NEMP1: variants seen among roughly 807,000 people sequenced by gnomAD.
NEMP1 encodes the protein nuclear envelope integral membrane protein 1, also known as transmembrane protein 194.
NEMP1 carries 29 observed loss-of-function variants against 53.7 expected under a neutral mutation model. The ratio of observed to expected loss-of-function variants is 0.54; its 90% CI spans 0.40 to 0.74. The LOEUF (loss-of-function observed/expected upper bound fraction) is 0.74, where lower values mean the gene tolerates loss of function less well. NEMP1 is among the 30% of genes least tolerant of loss of function. The probability of loss-of-function intolerance (pLI) is 0.00; values close to 1 mark genes in which losing one functional copy is unlikely to be tolerated. For missense variants in NEMP1, 477 were observed against 528.6 expected (o/e 0.90, Z 0.96); for synonymous variants, 193 against 192.9 (o/e 1.00, Z 0.00).
intron 1 of NEMP1, 127 bp downstream of exon 1, chr12:57,078,492 C>T: frequency 3.0e-6 from 4 of 1,319,106 alleles, no homozygotes; most frequent in Non-Finnish European, 3.1e-6. Context: ...CACCACACTA[C>T]GCCGGCGGCC....
intron 2 of NEMP1, among the ~76,000 whole-genome samples, 199 bp from the exon 3 acceptor site, chr12:57,071,092 C>T (rs2032323814): frequency 6.6e-6 from 1 of 152,156 alleles, no homozygotes; most frequent in Admixed American, 6.5e-5. Flanking sequence ...TACAGAGAGA[C>T]AGCTGTTAGA....
intron 1 of NEMP1, chr12:57,087,817 T>C (rs1281440010): frequency 6.6e-6 from 1 of 152,106 alleles, no homozygotes; most frequent in Admixed American, 6.5e-5. Context: ...ACCTCACCTG[T>C]GGCCAGTCCG....
At chr12:57,065,846 T>G (rs2136492355) in intron 4 of NEMP1, among the ~76,000 whole-genome samples, 1 of 152,032 alleles carries the variant, frequency 6.6e-6, no homozygotes, top group South Asian at 2.1e-4. Flanking sequence ...TTAAATCTCA[T>G]GAACCAAGAA....
intron 1 of NEMP1, among the ~76,000 whole-genome samples, chr12:57,073,976 A>AT (rs371901050): frequency 0.051 from 7,609 of 148,592 alleles, 280 homozygotes; most frequent in African/African-American, 0.11. Context: ...TTATTTTTTT[A>AT]TTTTTTTTTT....
intron 7 of NEMP1, 59 bp from the exon 8 acceptor site, chr12:57,061,004 T>C (rs1442346341): frequency 1.3e-6 from 2 of 1,554,178 alleles, no homozygotes; most frequent in Non-Finnish European, 1.7e-6. Context: ...CCATCCTTAC[T>C]TCTAGCTCCC....
At chr12:57,088,590 G>T (rs767096001), upstream of NEMP1, among the ~76,000 whole-genome samples, 1 of 152,204 alleles carries the variant, frequency 6.6e-6, no homozygotes, top group Non-Finnish European at 1.5e-5. Flanking sequence ...AGGCGCGTGT[G>T]CACGTCCGTG....
Position 57,064,194 on chromosome 12 carries a change from G to A in NEMP1, c.640-9C>T. 1 of 1,554,448 alleles carries A rather than the reference G, an allele frequency of 6.4e-7. No homozygotes were observed. The highest frequency in any genetic ancestry group is 8.7e-7 in the Non-Finnish European group (1 of 1,144,762). ...ACGTAAATGGGACTTTTCTAAGACA[G>A]AGAGTAGAAGTGAAAGCAAAAAGTT... is the stretch of plus-strand genomic sequence containing the variant. On this transcript the variant is annotated splice_polypyrimidine_tract_variant and intron_variant, in intron 5 of 8. Transcript: ENST00000300128.
chr12:57,078,210 T>C (rs1040254515), intron 1 of NEMP1, among the ~76,000 whole-genome samples: 1 of 152,138 alleles, frequency 6.6e-6, no homozygotes, highest in Non-Finnish European at 1.5e-5. Flanking sequence ...GCTCAGATGG[T>C]GTTTGCTGAT....
In NEMP1 at chr12:57,059,762, G is replaced by T; in HGVS notation, c.*117C>A. 1.1e-6 allele frequency: 1 copy of T among 917,676 alleles called. No homozygotes were observed. The highest frequency in any genetic ancestry group is 1.6e-6 in the Non-Finnish European group (1 of 625,982). 56.8% of individuals were successfully genotyped at this position (917,676 alleles called of 1,614,324 possible). On this transcript the variant is annotated 3_prime_UTR_variant, in exon 9 of 9. Coordinates refer to ENST00000300128, the MANE Select transcript of NEMP1 (RefSeq NM_001130963.2). ...CCTTTTTAGGCCTCTTATTTCAGTAGGAGAATTTCTACCCTATCTATCTCA... is the reference window on the plus strand; with the variant it reads ...CCTTTTTAGGCCTCTTATTTCAGTATGAGAATTTCTACCCTATCTATCTCA...
intron 7 of NEMP1, 125 bp downstream of exon 7, chr12:57,062,993 TG>T (rs1226627912): frequency 7.7e-6 from 5 of 648,898 alleles, no homozygotes; most frequent in Non-Finnish European, 1.3e-5. Context: ...GGAACAAAAG[TG>T]GAAGTACAAT....
chr12:57,070,481 G>A (rs1173825484), intron 3 of NEMP1, among the ~76,000 whole-genome samples, 193 bp downstream of exon 3: 1 of 152,198 alleles, frequency 6.6e-6, no homozygotes, highest in Non-Finnish European at 1.5e-5. Context: ...TCCTGAGGTG[G>A]AGTTTCAATT....
At chr12:57,078,528 A>G (rs878962291) in intron 1 of NEMP1, 91 bp downstream of exon 1, 16 of 1,488,088 alleles carry the variant, frequency 1.1e-5, no homozygotes, top group South Asian at 9.1e-5. Context: ...GCCCTTCTGC[A>G]GAGTAACGGC....
Position 57,069,667 on chromosome 12 carries a change from G to C in NEMP1, c.473-361C>G, listed in dbSNP as rs536954195. Among the ~76,000 whole-genome samples, 11 of 152,004 alleles carry C rather than the reference G, an allele frequency of 7.2e-5. No homozygotes were observed. The South Asian group carries it at 2.3e-3, about 32-fold the overall frequency. ...AAGCTTTAAGTCACTCACAGTCATG[G>C]AACTCAGCAGATTTGCCCAGAACTG... On this transcript the variant is annotated intron_variant, in intron 3 of 8. Transcript: ENST00000300128.
At chr12:57,075,922 G>A (rs1016753127) in intron 1 of NEMP1, among the ~76,000 whole-genome samples, 1 of 150,484 alleles carries the variant, frequency 6.6e-6, no homozygotes, top group Admixed American at 6.7e-5. Context: ...GGCCAACATG[G>A]CGAAATCCCA....
chr12:57,088,585 C>T (rs2033086765), upstream of NEMP1, among the ~76,000 whole-genome samples: 5 of 152,206 alleles, frequency 3.3e-5, no homozygotes, highest in South Asian at 1.0e-3. Context: ...TGTTTAGGCG[C>T]GTGTGCACGT....
upstream of NEMP1, among the ~76,000 whole-genome samples, chr12:57,081,318 A>G (rs1435383451): frequency 6.6e-6 from 1 of 152,042 alleles, no homozygotes; most frequent in East Asian, 1.9e-4. Context: ...AACTTGGCTC[A>G]CCGCAACCTC....
chr12:57,078,537 G>GC, intron 1 of NEMP1, 82 bp downstream of exon 1: 3 of 1,512,122 alleles, frequency 2.0e-6, no homozygotes, highest in Non-Finnish European at 1.8e-6. Context: ...CAGAGTAACG[G>GC]CCCGCGCCCT....
At chr12:57,086,562 T>G (rs1243303330) in intron 1 of NEMP1, among the ~76,000 whole-genome samples, 2 of 152,106 alleles carry the variant, frequency 1.3e-5, no homozygotes, top group Non-Finnish European at 2.9e-5. Context: ...TCTCTTTATG[T>G]TTTTCTATAG....
In NEMP1 at chr12:57,070,821, G is replaced by A; in HGVS notation, c.325C>T (p.Gln109Ter). The A allele has an allele frequency of 6.2e-7, 1 of 1,614,068 alleles. No homozygotes were observed. The highest frequency in any genetic ancestry group is 8.5e-7 in the Non-Finnish European group (1 of 1,180,010). The change falls in exon 3 of 9, where the codon CAG becomes TAG. Residue 109 changes from glutamine to a stop codon, truncating the protein, a stop_gained. Transcript: ENST00000300128. LOFTEE classifies it high-confidence loss of function. ...ENEEKLKELE[Q>*]FSIWNFFSSF... ...GAAAAAAAGTTCCAGATACTAAACT[G>A]CTCTAGCTCCTTCAGTTTCTCCTCA...
Sources: gnomAD v4.1 joint callset for allele counts (sites outside exome capture counted in the v4.1 genomes callset) on GRCh38, gnomAD v4.1.1 for gene constraint, MANE v1.5 for transcripts, NCBI Gene and HGNC (gene_info 2026-07-23, HGNC 2026-07-21) for gene names.